Variants in PARD3 observed in about 807,000 individuals in gnomAD.
PARD3 encodes the protein partitioning defective 3 homolog.
Under a neutral mutation model 155.4 loss-of-function variants are expected in PARD3, and 75 were observed. The ratio of observed to expected loss-of-function variants is 0.48; its 90% CI spans 0.40 to 0.58. The LOEUF (loss-of-function observed/expected upper bound fraction) is 0.58, where lower values mean the gene tolerates loss of function less well. Among genes scored for constraint, PARD3 ranks in the 20% least tolerant of loss-of-function variants. The pLI, the probability that PARD3 is intolerant of heterozygous loss-of-function variation, is 0.00. For missense variants in PARD3, 1,642 were observed against 1,721.7 expected, an observed-to-expected ratio of 0.95 and a Z score of 0.82; for synonymous variants, 576 against 610.5, an observed-to-expected ratio of 0.94 and a Z score of 0.83.
intron 3 of PARD3, among the ~76,000 whole-genome samples, chr10:34,514,084 A>T (rs149444992): frequency 6.6e-6 from 1 of 152,350 alleles, no homozygotes; most frequent in African/African-American, 2.4e-5. Flanking sequence ...AAAACCATCT[A>T]GGCTTTATCT....
chr10:34,157,534 ACCT>A (rs1949066575), intron 22 of PARD3, among the ~76,000 whole-genome samples: 1 of 152,102 alleles, frequency 6.6e-6, no homozygotes, highest in Non-Finnish European at 1.5e-5. Context: ...TATTCTCTGC[ACCT>A]CCTAACACAG....
intron 22 of PARD3, among the ~76,000 whole-genome samples, chr10:34,232,363 G>C (rs1262534396): frequency 6.6e-6 from 1 of 152,042 alleles, no homozygotes; most frequent in Non-Finnish European, 1.5e-5. Context: ...TAACATCTCT[G>C]CTCTGCAGCG....
chr10:34,426,189 AAC>A (rs2132476352), intron 5 of PARD3, among the ~76,000 whole-genome samples: 1 of 152,322 alleles, frequency 6.6e-6, no homozygotes, highest in South Asian at 2.1e-4. Flanking sequence ...GTAACATGCA[AAC>A]AGTTTAGTAA....
intron 2 of PARD3, among the ~76,000 whole-genome samples, chr10:34,651,973 T>C (rs539910283): frequency 1.3e-5 from 2 of 152,326 alleles, no homozygotes; most frequent in South Asian, 4.1e-4. Context: ...GTATCTGTTC[T>C]TGCTTAACAA....
Position 34,124,573 on chromosome 10 carries a change from G to A in PARD3, c.3541-4833C>T, listed in dbSNP as rs565299858. On this transcript the variant is annotated intron_variant, in intron 23 of 24. Coordinates refer to ENST00000374788, the MANE Select transcript of PARD3 (RefSeq NM_001184785.2). Reference sequence around the variant, plus strand: ...ACCCATCGTGCCTTCCCAGCCTTCCGCACCCACCCACACATGCCATAATTA... The same window carrying A: ...ACCCATCGTGCCTTCCCAGCCTTCCACACCCACCCACACATGCCATAATTA... Among the ~76,000 whole-genome samples, 6 of 152,150 alleles carry A rather than the reference G, an allele frequency of 3.9e-5. No individual in the cohort carries two copies. In the South Asian group the frequency reaches 8.3e-4, roughly 21 times the overall value.
At chr10:34,535,760 G>A (rs1352518824) in intron 2 of PARD3, among the ~76,000 whole-genome samples, 2 of 151,654 alleles carry the variant, frequency 1.3e-5, no homozygotes, top group South Asian at 2.1e-4. Flanking sequence ...ACAGGCGTGA[G>A]CCACCCTGCC....
chr10:34,758,222 T>G (rs1295214819), intron 1 of PARD3, among the ~76,000 whole-genome samples: 5 of 152,224 alleles, frequency 3.3e-5, no homozygotes, highest in South Asian at 4.1e-4. Flanking sequence ...GAAAAAGTTT[T>G]AAAATCACAT....
intron 2 of PARD3, among the ~76,000 whole-genome samples, chr10:34,581,807 T>C (rs1469762387): frequency 1.3e-5 from 2 of 152,142 alleles, no homozygotes. Context: ...AAGAAGGGAT[T>C]TCATTCGTGG....
chr10:34,670,494 T>A (rs1002611347), intron 2 of PARD3, among the ~76,000 whole-genome samples: 2 of 152,210 alleles, frequency 1.3e-5, no homozygotes, highest in African/African-American at 2.4e-5. Context: ...CACCTGGCAA[T>A]GTTTAGGCTG....
chr10:34,579,554 C>CTGTG (rs554959827), intron 2 of PARD3, among the ~76,000 whole-genome samples: 9,210 of 122,404 alleles, frequency 0.075, 351 homozygotes, highest in Admixed American at 0.094. Flanking sequence ...ACCATTTTCT[C>CTGTG]TGTGTGTGTG....
chr10:34,236,054 T>C (rs1431744704), intron 22 of PARD3, among the ~76,000 whole-genome samples: 1 of 152,198 alleles, frequency 6.6e-6, no homozygotes, highest in Non-Finnish European at 1.5e-5. Context: ...AATCAGAGTT[T>C]AAAAAGACCT....
At chr10:34,368,531 G>A (rs1024039718) in intron 12 of PARD3, among the ~76,000 whole-genome samples, 1 of 152,094 alleles carries the variant, frequency 6.6e-6, no homozygotes, top group Non-Finnish European at 1.5e-5. Flanking sequence ...AATTAGCCAG[G>A]CATGGTGGCG....
At chr10:34,814,756 GC>G in intron 1 of PARD3, 119 bp downstream of exon 1, 1 of 878,762 alleles carries the variant, frequency 1.1e-6, no homozygotes, top group Non-Finnish European at 1.6e-6. Flanking sequence ...GGCCCGACCG[GC>G]CGCACTTTCC....
At chr10:34,587,120 TA>T (rs753012001) in intron 2 of PARD3, among the ~76,000 whole-genome samples, 1 of 152,092 alleles carries the variant, frequency 6.6e-6, no homozygotes, top group Non-Finnish European at 1.5e-5. Flanking sequence ...TTATTTTTTT[TA>T]TTGTGTTTTT....
chr10:34,290,166 C>T (rs1050647193), intron 20 of PARD3, among the ~76,000 whole-genome samples: 1 of 152,100 alleles, frequency 6.6e-6, no homozygotes, highest in Non-Finnish European at 1.5e-5. Flanking sequence ...TGCATAGCAT[C>T]CTGCGATAAA....
chr10:34,690,430 C>G (rs1348348936), intron 2 of PARD3, among the ~76,000 whole-genome samples: 2 of 152,170 alleles, frequency 1.3e-5, no homozygotes, highest in African/African-American at 2.4e-5. Flanking sequence ...AACATAAACT[C>G]TGAGGGCATC....
rs2134497621 is a variant in PARD3 at position 34,360,194 on chromosome 10, G to A, written c.1773C>T (p.Val591=). The A allele has an allele frequency of 1.9e-6, 3 of 1,613,750 alleles. No individual in the cohort carries two copies. In the South Asian group the frequency reaches 3.3e-5, roughly 18 times the overall value. Residue 591 remains valine, a synonymous_variant, in exon 13 of 25, where the codon GTC becomes GTT. Coordinates refer to ENST00000374788, the MANE Select transcript of PARD3 (RefSeq NM_001184785.2). ...DGTREFLTFE[V]PLNDSGSAGL... ...CTGCAGATCCTGAATCATTAAGTGG[G>A]ACTTCAAATGTCAGAAATTCCCTGG...
rs1178195221 is a variant in PARD3 at position 34,331,347 on chromosome 10, G to A, written c.2606-3C>T. 1 of 1,604,326 alleles carries A rather than the reference G, an allele frequency of 6.2e-7. No individual in the cohort carries two copies. The highest frequency in any genetic ancestry group is 1.3e-5 in the African/African-American group (1 of 74,620). ...ACCCACATCTCTGCTGGGAGAACCT[G>A]GGAGGTTTACAAGAAAAAAAATGTT... On this transcript the variant is annotated splice_region_variant and splice_polypyrimidine_tract_variant and intron_variant, in intron 18 of 24. Transcript: ENST00000374788.
intron 5 of PARD3, among the ~76,000 whole-genome samples, chr10:34,434,475 G>A (rs930996312): frequency 1.3e-5 from 2 of 152,206 alleles, no homozygotes; most frequent in African/African-American, 4.8e-5. Flanking sequence ...AAGACATGCT[G>A]TGCAATTCCA....
Sources: allele counts gnomAD v4.1 joint callset (sites outside exome capture counted in the v4.1 genomes callset), GRCh38; gene constraint gnomAD v4.1.1; transcripts MANE v1.5; gene names NCBI Gene and HGNC (gene_info 2026-07-23, HGNC 2026-07-21).